OTOP3: variants seen among roughly 807,000 people sequenced by gnomAD.
OTOP3 encodes the protein proton channel OTOP3.
Under a neutral mutation model 50.8 loss-of-function variants are expected in OTOP3, and 41 were observed. The observed-to-expected ratio is 0.81, with a 90% CI of 0.63 to 1.05. OTOP3 has a LOEUF of 1.05. OTOP3 is among the 50% of genes least tolerant of loss of function. The pLI, the probability that OTOP3 is intolerant of heterozygous loss-of-function variation, is 0.00. For missense variants in OTOP3, 788 were observed against 760.8 expected (o/e 1.04, Z -0.42); for synonymous variants, 320 against 324.4 (o/e 0.99, Z 0.14).
intron 1 of OTOP3, among the ~76,000 whole-genome samples, chr17:74,938,588 G>C (rs1375979154): frequency 6.6e-6 from 1 of 152,112 alleles, no homozygotes; most frequent in African/African-American, 2.4e-5. Context: ...CCCAAGGAGA[G>C]GGGAGTAGGG....
chr17:74,943,777 C>CACAG, intron 5 of OTOP3, 53 bp downstream of exon 5: 1 of 1,263,030 alleles, frequency 7.9e-7, no homozygotes, highest in African/African-American at 1.5e-5. Context: ...CACACACACA[C>CACAG]ACACACACAC....
chr17:74,936,390 C>A (rs1165428226), intron 1 of OTOP3, among the ~76,000 whole-genome samples: 3 of 152,180 alleles, frequency 2.0e-5, no homozygotes, highest in Non-Finnish European at 4.4e-5. Context: ...CTGGGCCGGG[C>A]GCCGGGCCCG....
Position 74,943,735 on chromosome 17 carries a change from G to A in OTOP3, c.751+11G>A. 2 of 1,575,356 alleles carry A rather than the reference G, an allele frequency of 1.3e-6. No individual in the cohort carries two copies. Among genetic ancestry groups the A allele is most frequent in the Non-Finnish European group, 1.7e-6 (2 of 1,154,258 alleles). Reference sequence around the variant, plus strand: ...TGGAAAAATCCACAGGTATGGAAAGGAGACCAGGTCTTCCTTGCCCTGAAA... The same window carrying A: ...TGGAAAAATCCACAGGTATGGAAAGAAGACCAGGTCTTCCTTGCCCTGAAA... On this transcript the variant is annotated intron_variant, in intron 5 of 6. Transcript: ENST00000328801.
chr17:74,939,417 G>A lies in OTOP3; in HGVS notation c.20-1976G>A, dbSNP rs146137343. Among the ~76,000 whole-genome samples the A allele has an allele frequency of 4.3e-4, 65 of 152,248 alleles. 1 individual carries two copies. In the East Asian group the frequency reaches 0.011, roughly 26 times the overall value. On this transcript the variant is annotated intron_variant, in intron 1 of 6. Transcript: ENST00000328801. ...AGCAGCAGGACCAAGGAAGAGCCTGGGTGGAACAGGGGGTCTCTAGGGAGC... is the reference window on the plus strand; with the variant it reads ...AGCAGCAGGACCAAGGAAGAGCCTGAGTGGAACAGGGGGTCTCTAGGGAGC...
intron 5 of OTOP3, 55 bp downstream of exon 5, chr17:74,943,779 C>A (rs1767714014): frequency 7.9e-7 from 1 of 1,267,296 alleles, no homozygotes; most frequent in Non-Finnish European, 1.1e-6. Context: ...CACACACACA[C>A]ACACACACAC....
chr17:74,948,259 C>G (rs1405674169), intron 6 of OTOP3, among the ~76,000 whole-genome samples: 1 of 152,188 alleles, frequency 6.6e-6, no homozygotes, highest in Non-Finnish European at 1.5e-5. Context: ...CACAGTGGCT[C>G]ACACCTGTAA....
rs372989542 is a variant in OTOP3, at chr17:74,948,360, CA to C, written c.1567-878del. Among the ~76,000 whole-genome samples, 490 of 151,960 alleles carry C rather than the reference CA, an allele frequency of 3.2e-3. 4 individuals carry two copies. Among genetic ancestry groups the C allele is most frequent in the African/African-American group, 0.011 (466 of 41,450 alleles). ...GCAACACAGGGAGACCCTGTCTCTA[CA>C]AAAAAAATTTTAAATTAGTCTGGGC... On this transcript the variant is annotated intron_variant, in intron 6 of 6. Coordinates refer to ENST00000328801, the MANE Select transcript of OTOP3 (RefSeq NM_001272005.2).
intron 3 of OTOP3, 32 bp downstream of exon 3, chr17:74,942,069 A>T: frequency 6.3e-7 from 1 of 1,581,408 alleles, no homozygotes; most frequent in Non-Finnish European, 8.6e-7. Context: ...CACATCACCG[A>T]GGACATACCC....
chr17:74,942,056 C>A lies in OTOP3; in HGVS notation c.573+19C>A, dbSNP rs1441348976. 6.3e-7 allele frequency: 1 copy of A among 1,592,888 alleles called. No individual in the cohort carries two copies. The highest frequency in any genetic ancestry group is 1.7e-5 in the Admixed American group (1 of 58,398). ...CGTCCAGGTGACAGGCTTCTCACGT[C>A]CCCACATCACCGAGGACATACCCTA... On this transcript the variant is annotated intron_variant, in intron 3 of 6. Transcript: ENST00000328801.
rs150395098 is a variant in OTOP3, at chr17:74,938,756, T to C, written c.20-2637T>C. Among the ~76,000 whole-genome samples, 233 of 152,214 alleles carry C rather than the reference T, an allele frequency of 1.5e-3. 1 individual carries two copies. Among genetic ancestry groups the C allele is most frequent in the Admixed American group, 9.3e-3 (142 of 15,298 alleles). On this transcript the variant is annotated intron_variant, in intron 1 of 6. Coordinates refer to ENST00000328801, the MANE Select transcript of OTOP3 (RefSeq NM_001272005.2). ...CAGGCTGTGTCAGTAATTTGGACTTTATACTGAGGGCAATTAGTTGCCTTT... is the reference window on the plus strand; with the variant it reads ...CAGGCTGTGTCAGTAATTTGGACTTCATACTGAGGGCAATTAGTTGCCTTT...
At chr17:74,944,560 C>A (rs1260813102) in intron 5 of OTOP3, among the ~76,000 whole-genome samples, 1 of 152,182 alleles carries the variant, frequency 6.6e-6, no homozygotes, top group Non-Finnish European at 1.5e-5. Context: ...AGTTTGAAAC[C>A]AGCCTAGCGA....
chr17:74,936,062 G>A, intron 1 of OTOP3, 122 bp downstream of exon 1: 1 of 1,451,492 alleles, frequency 6.9e-7, no homozygotes. Flanking sequence ...ACGGGAAAGC[G>A]GGGTGACTGT....
At chr17:74,938,177 C>T (rs1444736774) in intron 1 of OTOP3, among the ~76,000 whole-genome samples, 1 of 152,024 alleles carries the variant, frequency 6.6e-6, no homozygotes, top group Non-Finnish European at 1.5e-5. Context: ...CCATCTGCCC[C>T]AGAAGAGAAC....
Position 74,946,646 on chromosome 17 carries a change from C to T in OTOP3, c.752-15C>T, listed in dbSNP as rs779629859. The T allele has an allele frequency of 6.3e-7, 1 of 1,590,554 alleles. No homozygotes were observed. Among genetic ancestry groups the T allele is most frequent in the Admixed American group, 1.7e-5 (1 of 59,284 alleles). On this transcript the variant is annotated splice_polypyrimidine_tract_variant and intron_variant, in intron 5 of 6. Transcript: ENST00000328801. ...TGCCTGAATGTCTGTCCCTCCCACC[C>T]TGCCTCCCTCCCAGGCAATGAGACC...
Position 74,943,497 on chromosome 17 carries a change from G to T in OTOP3, c.633-109G>T, listed in dbSNP as rs115607177. On this transcript the variant is annotated intron_variant, in intron 4 of 6. Transcript: ENST00000328801. ...TGTCCTAGTGCCAGTGTGACACTAGGGAGTGAGTGGTTGGGAGTGAGTGGT... is the reference window on the plus strand; with the variant it reads ...TGTCCTAGTGCCAGTGTGACACTAGTGAGTGAGTGGTTGGGAGTGAGTGGT... 2,223 of 1,333,010 alleles carry T rather than the reference G, an allele frequency of 1.7e-3. 41 individuals carry two copies. In the African/African-American group the frequency reaches 0.028, roughly 17 times the overall value. The allele number at this position is 1,333,010 out of a possible 1,614,324, so 82.6% of individuals were successfully genotyped here.
At position 74,949,750 on chromosome 17, in the gene OTOP3, C is replaced by T. The variant is rs1994718; in HGVS notation, c.*334C>T. Reference sequence around the variant, plus strand: ...TGTGGGAGGGTCAGACCTACATGACCGAGTCTGGGGAGCTTGGCGAGGGGC... The same window carrying T: ...TGTGGGAGGGTCAGACCTACATGACTGAGTCTGGGGAGCTTGGCGAGGGGC... On this transcript the variant is annotated 3_prime_UTR_variant, in exon 7 of 7. Coordinates refer to ENST00000328801, the MANE Select transcript of OTOP3 (RefSeq NM_001272005.2). 159,853 of 236,566 alleles carry T rather than the reference C, an allele frequency of 0.68. 54,979 individuals carry two copies. The highest frequency in any genetic ancestry group is 0.76 in the East Asian group (8,257 of 10,928). 14.7% of individuals were successfully genotyped at this position (236,566 alleles called of 1,614,324 possible).
Position 74,946,701 on chromosome 17 carries a change from G to A in OTOP3, c.792G>A (p.Ala264=), listed in dbSNP as rs200903740. ...CCTGTCTGTGCCTCAATGCCACCGC[G>A]TGTGAAGCTTTCCGGAGAGGCTTCC... ...TNTCLCLNAT[A]CEAFRRGFLM... The change falls in exon 6 of 7, where the codon GCG becomes GCA. Residue 264 remains alanine, a synonymous_variant. Transcript: ENST00000328801. The A allele has an allele frequency of 4.2e-5, 67 of 1,612,686 alleles. No individual in the cohort carries two copies. Among genetic ancestry groups the A allele is most frequent in the Middle Eastern group, 1.6e-4 (1 of 6,084 alleles).
chr17:74,939,004 C>CAA (rs200406106), intron 1 of OTOP3, among the ~76,000 whole-genome samples: 3 of 131,756 alleles, frequency 2.3e-5, no homozygotes, highest in Non-Finnish European at 5.0e-5. Context: ...CCTGTCTCTG[C>CAA]AAAAAAAAAA....
At chr17:74,938,684 T>C (rs1412565207) in intron 1 of OTOP3, among the ~76,000 whole-genome samples, 1 of 152,160 alleles carries the variant, frequency 6.6e-6, no homozygotes, top group Non-Finnish European at 1.5e-5. Flanking sequence ...CCTGGAACCT[T>C]GTCCAGGCCC....
Sources: gnomAD v4.1 joint callset for allele counts (sites outside exome capture counted in the v4.1 genomes callset) on GRCh38, gnomAD v4.1.1 for gene constraint, MANE v1.5 for transcripts, NCBI Gene and HGNC (gene_info 2026-07-23, HGNC 2026-07-21) for gene names.